KIAA1671: variants seen among roughly 807,000 people sequenced by gnomAD.
The protein encoded by KIAA1671 is uncharacterized protein KIAA1671.
Under a neutral mutation model 131.2 loss-of-function variants are expected in KIAA1671, and 52 were observed. That is an observed-to-expected ratio of 0.40 (90% CI 0.32 to 0.50). The LOEUF (loss-of-function observed/expected upper bound fraction) is 0.50, where lower values mean the gene tolerates loss of function less well. Ranked by LOEUF, KIAA1671 falls within the 20% of genes least tolerant of loss-of-function variation. The pLI is 0.73. For missense variants in KIAA1671, 2,360 were observed against 2,364.2 expected, an observed-to-expected ratio of 1.00 and a Z score of 0.04; for synonymous variants, 1,003 against 961.6, an observed-to-expected ratio of 1.04 and a Z score of -0.80.
rs370346151 is a variant in KIAA1671 at position 25,042,001 on chromosome 22, C to T, written c.4395+476C>T. Among the ~76,000 whole-genome samples the T allele has an allele frequency of 2.8e-3, 428 of 152,332 alleles. 4 individuals carry two copies. The highest frequency in any genetic ancestry group is 9.0e-3 in the African/African-American group (374 of 41,578). On this transcript the variant is annotated intron_variant, in intron 5 of 12. Coordinates refer to ENST00000358431, the MANE Select transcript of KIAA1671 (RefSeq NM_001145206.2). Reference sequence around the variant, plus strand: ...TCAAGTGATCCTCCTGCCTCGGCCTCCCAAAGTGCTGGGATGACAGGCGTG... The same window carrying T: ...TCAAGTGATCCTCCTGCCTCGGCCTTCCAAAGTGCTGGGATGACAGGCGTG...
At chr22:25,126,301 C>G (rs957770525) in intron 6 of KIAA1671, among the ~76,000 whole-genome samples, 1 of 152,302 alleles carries the variant, frequency 6.6e-6, no homozygotes. Flanking sequence ...GATTTAACAC[C>G]GGTAATTCCT....
At chr22:25,188,816 G>T (rs554020727) in intron 11 of KIAA1671, among the ~76,000 whole-genome samples, 1 of 152,178 alleles carries the variant, frequency 6.6e-6, no homozygotes, top group African/African-American at 2.4e-5. Flanking sequence ...GTAGGCTGAG[G>T]GGGAGGTGGA....
intron 1 of KIAA1671, among the ~76,000 whole-genome samples, chr22:24,958,032 G>T (rs950550455): frequency 4.2e-5 from 6 of 141,306 alleles, no homozygotes; most frequent in African/African-American, 1.3e-4. Flanking sequence ...TGAGACCCTC[G>T]ACTTTACAGT....
intron 3 of KIAA1671, among the ~76,000 whole-genome samples, chr22:25,031,664 A>C (rs1926300918): frequency 1.3e-5 from 2 of 152,152 alleles, no homozygotes; most frequent in Non-Finnish European, 2.9e-5. Context: ...TTCCAAGTCG[A>C]TCTTATGTGT....
chr22:24,959,635 G>A (rs967764616), intron 1 of KIAA1671, among the ~76,000 whole-genome samples: 1 of 152,066 alleles, frequency 6.6e-6, no homozygotes, highest in Non-Finnish European at 1.5e-5. Flanking sequence ...TCTTATGTGG[G>A]CAAGGCACTC....
intron 6 of KIAA1671, among the ~76,000 whole-genome samples, chr22:25,081,563 G>A (rs1396886229): frequency 1.3e-5 from 2 of 151,970 alleles, no homozygotes; most frequent in Non-Finnish European, 2.9e-5. Flanking sequence ...ATGACTTCTC[G>A]ATTGAGGCAC....
At chr22:25,096,737 A>C (rs999622478) in intron 6 of KIAA1671, among the ~76,000 whole-genome samples, 1 of 152,002 alleles carries the variant, frequency 6.6e-6, no homozygotes, top group East Asian at 1.9e-4. Context: ...CACGTTCCAC[A>C]CTCCCTGAGG....
chr22:25,015,191 G>C (rs1180435142), intron 1 of KIAA1671: 3 of 141,352 alleles, frequency 2.1e-5, no homozygotes, highest in African/African-American at 8.0e-5. Context: ...AGTGAGCTGA[G>C]ATCATGCCTG....
intron 6 of KIAA1671, among the ~76,000 whole-genome samples, chr22:25,107,517 C>T (rs930193186): frequency 6.1e-5 from 8 of 130,856 alleles, no homozygotes; most frequent in South Asian, 2.5e-4. Context: ...CTCTGTTGCC[C>T]GGGCTGGAGT....
At chr22:25,188,641 G>A (rs1008930277) in intron 11 of KIAA1671, among the ~76,000 whole-genome samples, 4 of 152,074 alleles carry the variant, frequency 2.6e-5, no homozygotes, top group East Asian at 1.9e-4. Flanking sequence ...AACCACATAC[G>A]TATATTTTGT....
chr22:25,132,555 G>A (rs764911715), intron 6 of KIAA1671, among the ~76,000 whole-genome samples: 2 of 152,136 alleles, frequency 1.3e-5, no homozygotes, highest in South Asian at 2.1e-4. Flanking sequence ...TGGGAAGTAC[G>A]TGAGATTCAT....
At chr22:25,009,253 CTTTTTTTTTTTTT>C (rs35147267) in intron 1 of KIAA1671, among the ~76,000 whole-genome samples, 20 of 62,766 alleles carry the variant, frequency 3.2e-4, no homozygotes, top group South Asian at 8.5e-4. Flanking sequence ...CCCTTCCCCA[CTTTTTTTTTTTTT>C]TTTTTTTTTT....
At chr22:24,964,602 T>C (rs1221950916) in intron 1 of KIAA1671, among the ~76,000 whole-genome samples, 1 of 152,108 alleles carries the variant, frequency 6.6e-6, no homozygotes. Flanking sequence ...AAAAATTTTT[T>C]TGTAGAGACA....
chr22:24,979,566 G>A (rs1404043392), intron 1 of KIAA1671, among the ~76,000 whole-genome samples: 4 of 143,646 alleles, frequency 2.8e-5, no homozygotes, highest in Admixed American at 2.1e-4. Flanking sequence ...AGCCAAGATG[G>A]TCTCGATCTC....
At chr22:25,083,825 C>T (rs1183482849) in intron 6 of KIAA1671, among the ~76,000 whole-genome samples, 3 of 152,366 alleles carry the variant, frequency 2.0e-5, no homozygotes, top group South Asian at 2.1e-4. Context: ...TTGCCAGACC[C>T]CCTGCTGCCC....
chr22:25,032,373 T>G (rs930467746), intron 3 of KIAA1671, among the ~76,000 whole-genome samples: 2 of 152,194 alleles, frequency 1.3e-5, no homozygotes. Flanking sequence ...GCTCCCCCAG[T>G]GAAGAGGCAG....
intron 1 of KIAA1671, among the ~76,000 whole-genome samples, chr22:25,002,791 T>C (rs1924547038): frequency 6.6e-6 from 1 of 152,136 alleles, no homozygotes; most frequent in Non-Finnish European, 1.5e-5. Flanking sequence ...TGGCTTTTTT[T>C]TTTTTAAAGA....
At chr22:25,056,970 T>C (rs1311075890) in intron 6 of KIAA1671, 7 of 152,282 alleles carry the variant, frequency 4.6e-5, no homozygotes, top group African/African-American at 1.7e-4. Flanking sequence ...GACGCTGTGC[T>C]AAGCACTGTG....
In KIAA1671 at chr22:25,188,158, G is replaced by A. The variant is rs959992281; in HGVS notation, c.5343-2544G>A. Among the ~76,000 whole-genome samples, 10 of 152,212 alleles carry A rather than the reference G, an allele frequency of 6.6e-5. No homozygotes were observed. The East Asian group carries it at 7.7e-4, about 12-fold the overall frequency. ...TACTAAAAATACAAAAAAATTAGCC[G>A]GATGTGGTGGCGGGCGCCTGTAGTC... On this transcript the variant is annotated intron_variant, in intron 11 of 12. Transcript: ENST00000358431.
Sources: gnomAD v4.1 joint callset for allele counts (sites outside exome capture counted in the v4.1 genomes callset) on GRCh38, gnomAD v4.1.1 for gene constraint, MANE v1.5 for transcripts, NCBI Gene and HGNC (gene_info 2026-07-23, HGNC 2026-07-21) for gene names.